TSNARE1: variants seen among roughly 807,000 people sequenced by gnomAD.
The protein encoded by TSNARE1 is t-SNARE domain containing 1.
In TSNARE1, 49 loss-of-function variants were observed where a neutral mutation model predicts 62.0. The observed-to-expected ratio is 0.79, with a 90% CI of 0.63 to 1.00. TSNARE1 has a LOEUF of 1.00. Ranked by LOEUF, TSNARE1 falls within the 50% of genes least tolerant of loss-of-function variation. TSNARE1 has a pLI of 0.00. For missense variants in TSNARE1, 755 were observed against 700.1 expected (o/e 1.08, Z -0.88); for synonymous variants, 328 against 294.4 (o/e 1.11, Z -1.17).
At chr8:142,330,741 C>T (rs368019527) in intron 6 of TSNARE1, among the ~76,000 whole-genome samples, 160 bp downstream of exon 6, 3 of 151,664 alleles carry the variant, frequency 2.0e-5, no homozygotes, top group East Asian at 1.9e-4. Flanking sequence ...TAGGCTTATC[C>T]GCAGGCGTGT....
chr8:142,330,352 C>G (rs1164826277), intron 6 of TSNARE1, among the ~76,000 whole-genome samples: 2 of 152,352 alleles, frequency 1.3e-5, no homozygotes, highest in East Asian at 3.9e-4. Flanking sequence ...CTCTCCCCAT[C>G]CCAGACCAGC....
intron 1 of TSNARE1, among the ~76,000 whole-genome samples, chr8:142,357,980 G>C (rs1834879599): frequency 1.3e-5 from 2 of 150,958 alleles, no homozygotes. Flanking sequence ...TCAGGACAAG[G>C]GGAGCAGCCA....
chr8:142,348,612 A>G (rs7460733), intron 2 of TSNARE1, among the ~76,000 whole-genome samples: 3,638 of 30,336 alleles, frequency 0.12, 421 homozygotes, highest in African/African-American at 0.31. Flanking sequence ...AGGCTGCCCC[A>G]AAGCTGGCTG....
At chr8:142,267,525 C>T (rs1380668827) in intron 12 of TSNARE1, among the ~76,000 whole-genome samples, 1 of 152,224 alleles carries the variant, frequency 6.6e-6, no homozygotes, top group Non-Finnish European at 1.5e-5. Flanking sequence ...CTCTAGCACT[C>T]TCTGTGAACC....
intron 1 of TSNARE1, among the ~76,000 whole-genome samples, chr8:142,361,317 T>C (rs1456988287): frequency 6.6e-6 from 1 of 152,296 alleles, no homozygotes; most frequent in East Asian, 1.9e-4. Context: ...CAAGGGCAGC[T>C]GATTGGATGT....
Position 142,300,603 on chromosome 8 carries a change from C to G in TSNARE1, c.1173G>C (p.Lys391Asn). 6.2e-7 allele frequency: 1 copy of G among 1,613,788 alleles called. No individual in the cohort carries two copies. Among genetic ancestry groups the G allele is most frequent in the Non-Finnish European group, 8.5e-7 (1 of 1,179,992 alleles). Residue 391 changes from lysine to asparagine, a missense_variant, in exon 10 of 14, where the codon AAG (lysine) becomes AAC (asparagine). Transcript: ENST00000524325. ...APFAELADDE[K>N]VFNGSDNMWQ... Reference sequence around the variant, plus strand: ...ACATGTTGTCACTCCCGTTAAAGACCTTCTCATCATCAGCCAGCTCGGCAA... The same window carrying G: ...ACATGTTGTCACTCCCGTTAAAGACGTTCTCATCATCAGCCAGCTCGGCAA...
chr8:142,278,037 A>T, intron 11 of TSNARE1: 1 of 985,336 alleles, frequency 1.0e-6, no homozygotes, highest in Non-Finnish European at 1.2e-6. Flanking sequence ...ATGGGGGTGG[A>T]TCCAGCCATC....
At chr8:142,275,088 G>A (rs1477044805) in intron 11 of TSNARE1, 72 of 985,296 alleles carry the variant, frequency 7.3e-5, no homozygotes, top group South Asian at 2.3e-4. Context: ...GCCCAGGGAA[G>A]GGGACTCCTC....
chr8:142,387,585 G>A (rs1336955045), intron 1 of TSNARE1, among the ~76,000 whole-genome samples: 2 of 151,444 alleles, frequency 1.3e-5, no homozygotes, highest in African/African-American at 2.4e-5. Context: ...AGAAACCAAA[G>A]ATATTAAAAG....
chr8:142,350,072 G>A (rs1455245128), intron 2 of TSNARE1, among the ~76,000 whole-genome samples: 1 of 56,986 alleles, frequency 1.8e-5, no homozygotes, highest in East Asian at 6.2e-4. Context: ...GCTGGGACCA[G>A]GGCAGGCAGG....
At chr8:142,268,504 C>T (rs779420001) in intron 12 of TSNARE1, among the ~76,000 whole-genome samples, 8 of 152,212 alleles carry the variant, frequency 5.3e-5, no homozygotes, top group Non-Finnish European at 7.3e-5. Context: ...GGGAAGCCCC[C>T]GACACTCTAG....
At chr8:142,240,708 C>T (rs555423860) in intron 12 of TSNARE1, among the ~76,000 whole-genome samples, 5 of 152,110 alleles carry the variant, frequency 3.3e-5, no homozygotes, top group African/African-American at 9.6e-5. Context: ...TTAAAAATCC[C>T]CATGCATTTA....
At position 142,357,482 on chromosome 8, in the gene TSNARE1, C is replaced by G. The variant is rs11993431; in HGVS notation, c.-39-2719G>C. On this transcript the variant is annotated intron_variant, in intron 1 of 13. Transcript: ENST00000524325. Reference sequence around the variant, plus strand: ...GCTCCCTCTACTTCAGGATTGGGAGCAAGCTGCTGGGGGCACGTGAGGGGC... The same window carrying G: ...GCTCCCTCTACTTCAGGATTGGGAGGAAGCTGCTGGGGGCACGTGAGGGGC... 6.0e-3 allele frequency among the ~76,000 whole-genome samples: 915 copies of G among 152,254 alleles called. 9 individuals are homozygous for G. The highest frequency in any genetic ancestry group is 0.021 in the African/African-American group (858 of 41,540).
intron 9 of TSNARE1, among the ~76,000 whole-genome samples, chr8:142,308,547 C>G (rs1323216025): frequency 2.0e-5 from 3 of 152,184 alleles, no homozygotes; most frequent in African/African-American, 7.2e-5. Flanking sequence ...TCCACCCTGT[C>G]CCATGCGTTG....
At chr8:142,326,381 G>A (rs1234474609) in intron 6 of TSNARE1, among the ~76,000 whole-genome samples, 1 of 99,760 alleles carries the variant, frequency 1.0e-5, no homozygotes, top group Admixed American at 9.1e-5. Flanking sequence ...CAGAGAGCAC[G>A]AGACGGATGA....
intron 1 of TSNARE1, among the ~76,000 whole-genome samples, chr8:142,388,537 C>G (rs904290945): frequency 1.6e-5 from 2 of 126,858 alleles, no homozygotes; most frequent in Non-Finnish European, 3.4e-5. Flanking sequence ...AGTAAGTTAG[C>G]AAAAAACAAA....
At chr8:142,219,760 T>C (rs898174913) in intron 13 of TSNARE1, among the ~76,000 whole-genome samples, 3 of 152,202 alleles carry the variant, frequency 2.0e-5, no homozygotes, top group African/African-American at 7.2e-5. Flanking sequence ...AGGATGGCTC[T>C]GCCCTTCCCC....
At chr8:142,400,140 A>C (rs950142898) in intron 1 of TSNARE1, among the ~76,000 whole-genome samples, 7 of 151,744 alleles carry the variant, frequency 4.6e-5, no homozygotes, top group African/African-American at 1.7e-4. Context: ...GCTTGAGTCT[A>C]GCCTGGCCAA....
At chr8:142,250,923 G>C (rs928041335) in intron 12 of TSNARE1, among the ~76,000 whole-genome samples, 1 of 152,134 alleles carries the variant, frequency 6.6e-6, no homozygotes, top group African/African-American at 2.4e-5. Context: ...AATCACCACT[G>C]TCCAGGCCCG....
Sources: allele counts gnomAD v4.1 joint callset (sites outside exome capture counted in the v4.1 genomes callset), GRCh38; gene constraint gnomAD v4.1.1; transcripts MANE v1.5; gene names NCBI Gene and HGNC (gene_info 2026-07-23, HGNC 2026-07-21).